The following MAPK10 variants were observed in gnomAD, a reference collection of about 807,000 sequenced individuals.
MAPK10 encodes JNK3 alpha protein kinase.
In MAPK10, 25 loss-of-function variants were observed where a neutral mutation model predicts 59.3. The observed-to-expected ratio is 0.42, with a 90% CI of 0.31 to 0.59. The LOEUF (loss-of-function observed/expected upper bound fraction) is 0.59, where lower values mean the gene tolerates loss of function less well. Ranked by LOEUF, MAPK10 falls within the 20% of genes least tolerant of loss-of-function variation. The pLI is 0.15. For synonymous variants in MAPK10, 190 were observed against 200.5 expected (o/e 0.95, Z 0.44); for missense variants, 351 against 568.9 (o/e 0.62, Z 3.90).
intron 9 of MAPK10, among the ~76,000 whole-genome samples, chr4:86,070,030 C>T (rs2047505926): frequency 6.6e-6 from 1 of 152,160 alleles, no homozygotes; most frequent in South Asian, 2.1e-4. Context: ...TAGAGACACA[C>T]TCAGCGCTCT....
At chr4:86,270,901 T>G (rs1233522150) in intron 2 of MAPK10, among the ~76,000 whole-genome samples, 3 of 152,128 alleles carry the variant, frequency 2.0e-5, no homozygotes, top group Non-Finnish European at 4.4e-5. Context: ...ATGAATATAC[T>G]ATAGTTTATT....
chr4:86,038,721 CT>C (rs2040870766), intron 11 of MAPK10, among the ~76,000 whole-genome samples: 1 of 151,930 alleles, frequency 6.6e-6, no homozygotes, highest in Non-Finnish European at 1.5e-5. Context: ...TCTCTAAAGC[CT>C]TATATTCTCT....
At chr4:86,329,339 A>C (rs2096096451) in intron 2 of MAPK10, among the ~76,000 whole-genome samples, 1 of 152,186 alleles carries the variant, frequency 6.6e-6, no homozygotes, top group African/African-American at 2.4e-5. Context: ...CATCTCAGTC[A>C]GCTGATTAAT....
intron 1 of MAPK10, among the ~76,000 whole-genome samples, chr4:86,519,731 GA>G (rs1436074315): frequency 1.3e-5 from 2 of 152,278 alleles, no homozygotes; most frequent in Non-Finnish European, 2.9e-5. Context: ...ATGCTTTAAA[GA>G]AGTTCCATTT....
At chr4:86,085,817 C>T (rs570658582) in intron 9 of MAPK10, among the ~76,000 whole-genome samples, 6 of 152,216 alleles carry the variant, frequency 3.9e-5, no homozygotes, top group South Asian at 2.1e-4. Flanking sequence ...GCACTGTTGA[C>T]GATAGCCAAG....
At chr4:86,532,906 G>A (rs1757946748) in intron 1 of MAPK10, among the ~76,000 whole-genome samples, 1 of 152,194 alleles carries the variant, frequency 6.6e-6, no homozygotes, top group African/African-American at 2.4e-5. Flanking sequence ...ACCTCTAGCA[G>A]TTAAGGGATT....
intron 2 of MAPK10, among the ~76,000 whole-genome samples, chr4:86,221,406 G>A (rs1028074718): frequency 1.2e-4 from 19 of 152,178 alleles, no homozygotes; most frequent in African/African-American, 4.6e-4. Context: ...CATATTTATA[G>A]ACAATAAAGG....
chr4:86,198,553 G>A (rs1356806097), intron 2 of MAPK10, among the ~76,000 whole-genome samples: 7 of 151,904 alleles, frequency 4.6e-5, no homozygotes, highest in Non-Finnish European at 7.4e-5. Context: ...ACTCTCCAGC[G>A]TTCTCAACAA....
intron 1 of MAPK10, among the ~76,000 whole-genome samples, chr4:86,448,411 T>G (rs1002110341): frequency 1.3e-5 from 2 of 151,954 alleles, no homozygotes; most frequent in Admixed American, 1.3e-4. Flanking sequence ...GTTTTTTTTT[T>G]TATCTTAAAT....
chr4:86,075,747 C>T (rs1282454506), intron 9 of MAPK10, among the ~76,000 whole-genome samples: 1 of 152,068 alleles, frequency 6.6e-6, no homozygotes, highest in South Asian at 2.1e-4. Flanking sequence ...GGCAGTCTGC[C>T]CATTCTCAGA....
chr4:86,270,632 G>C (rs913556542), intron 2 of MAPK10, among the ~76,000 whole-genome samples: 4 of 151,942 alleles, frequency 2.6e-5, no homozygotes, highest in African/African-American at 9.7e-5. Flanking sequence ...TAAAAATGTA[G>C]AATATCCCAG....
chr4:86,034,557 G>C (rs1409637199), intron 11 of MAPK10, among the ~76,000 whole-genome samples: 2 of 152,044 alleles, frequency 1.3e-5, no homozygotes, highest in Non-Finnish European at 2.9e-5. Flanking sequence ...TAAAGGTCTT[G>C]GGCACCTAAC....
intron 2 of MAPK10, among the ~76,000 whole-genome samples, chr4:86,251,967 A>T (rs1211948399): frequency 8.2e-6 from 1 of 121,478 alleles, no homozygotes; most frequent in Non-Finnish European, 1.6e-5. Flanking sequence ...GGCTGCATAA[A>T]AGTCTTCTTT....
intron 4 of MAPK10, among the ~76,000 whole-genome samples, chr4:86,137,830 C>G (rs930229200): frequency 2.0e-5 from 3 of 149,878 alleles, no homozygotes; most frequent in African/African-American, 7.5e-5. Flanking sequence ...CAAATAGACA[C>G]AATAAAAAAT....
At chr4:86,466,477 T>C (rs1381060273) in intron 1 of MAPK10, among the ~76,000 whole-genome samples, 1 of 152,190 alleles carries the variant, frequency 6.6e-6, no homozygotes, top group Non-Finnish European at 1.5e-5. Flanking sequence ...GTAGGCCACA[T>C]GCTATATTTC....
intron 2 of MAPK10, among the ~76,000 whole-genome samples, chr4:86,204,040 A>G (rs1222511361): frequency 6.6e-6 from 1 of 151,876 alleles, no homozygotes; most frequent in Non-Finnish European, 1.5e-5. Flanking sequence ...GCCATCCATT[A>G]GTTTATAAAT....
chr4:86,082,066 C>T (rs536867078), intron 9 of MAPK10: 30 of 151,956 alleles, frequency 2.0e-4, no homozygotes, highest in East Asian at 5.8e-4. Flanking sequence ...CACAAGATAA[C>T]GATGACAGTA....
At chr4:86,437,547 A>T (rs910003288) in intron 1 of MAPK10, among the ~76,000 whole-genome samples, 2 of 152,202 alleles carry the variant, frequency 1.3e-5, no homozygotes, top group African/African-American at 4.8e-5. Flanking sequence ...GTCTATGAGA[A>T]AGATTAGCCT....
chr4:86,051,361 T>G (rs2043499692), intron 11 of MAPK10, among the ~76,000 whole-genome samples: 2 of 132,000 alleles, frequency 1.5e-5, no homozygotes, highest in Non-Finnish European at 3.4e-5. Flanking sequence ...GCCTAAGTCA[T>G]GGATCTACAC....
Sources: gnomAD v4.1 joint callset for allele counts (sites outside exome capture counted in the v4.1 genomes callset) on GRCh38, gnomAD v4.1.1 for gene constraint, MANE v1.5 for transcripts, NCBI Gene and HGNC (gene_info 2026-07-23, HGNC 2026-07-21) for gene names.